The following HADHB variants were observed in gnomAD, a reference collection of about 807,000 sequenced individuals.
HADHB encodes the protein hydroxyacyl-CoA dehydrogenase trifunctional multienzyme complex subunit beta.
A neutral mutation model predicts 61.9 loss-of-function variants in HADHB; 50 were observed. That is an observed-to-expected ratio of 0.81 (90% CI 0.64 to 1.02). The LOEUF is 1.02. HADHB is among the 50% of genes least tolerant of loss of function. The pLI is 0.00. For synonymous variants in HADHB, 191 were observed against 201.6 expected (o/e 0.95, Z 0.45); for missense variants, 504 against 586.5 (o/e 0.86, Z 1.45).
chr2:26,247,280 C>T (rs927967107), intron 1 of HADHB, among the ~76,000 whole-genome samples: 3 of 152,146 alleles, frequency 2.0e-5, no homozygotes, highest in Non-Finnish European at 4.4e-5. Context: ...AATATTTTTA[C>T]CAAAATTTCT....
intron 5 of HADHB, among the ~76,000 whole-genome samples, chr2:26,271,527 C>CCA (rs986666342): frequency 4.0e-5 from 6 of 151,498 alleles, no homozygotes; most frequent in African/African-American, 1.2e-4. Context: ...AAATAAAAAA[C>CCA]CACACACACA....
intron 3 of HADHB, among the ~76,000 whole-genome samples, chr2:26,259,753 C>T (rs2147806437): frequency 6.6e-6 from 1 of 152,174 alleles, no homozygotes; most frequent in East Asian, 1.9e-4. Flanking sequence ...AGAGGTTGCC[C>T]AGAGGTTTAG....
chr2:26,281,676 A>G (rs967469007), intron 10 of HADHB, among the ~76,000 whole-genome samples: 1 of 152,202 alleles, frequency 6.6e-6, no homozygotes, highest in African/African-American at 2.4e-5. Flanking sequence ...CCCCACATTC[A>G]TTGCAATTTT....
chr2:26,245,501 C>A (rs1671109878), intron 1 of HADHB: 1 of 151,490 alleles, frequency 6.6e-6, no homozygotes, highest in Non-Finnish European at 1.5e-5. Context: ...CCATCCGGCT[C>A]CGTTATCCAG....
chr2:26,272,190 A>G (rs1672373127), intron 5 of HADHB, among the ~76,000 whole-genome samples: 1 of 152,146 alleles, frequency 6.6e-6, no homozygotes, highest in African/African-American at 2.4e-5. Context: ...CACTCCTTCA[A>G]GTTGGCTCCT....
chr2:26,263,368 T>C lies in HADHB; in HGVS notation c.110-12T>C. 2 of 1,540,564 alleles carry C rather than the reference T, an allele frequency of 1.3e-6. No individual in the cohort carries two copies. The highest frequency in any genetic ancestry group is 9.0e-7 in the Non-Finnish European group (1 of 1,113,804). On this transcript the variant is annotated splice_polypyrimidine_tract_variant and intron_variant, in intron 3 of 15. Coordinates refer to ENST00000317799, the MANE Select transcript of HADHB (RefSeq NM_000183.3). ...TAATTAGTAGTTTTTGTTTTTAAAC[T>C]TTATCTTAAAGCTGTCCAGACCAAA...
At chr2:26,280,650 C>T (rs914563840) in intron 10 of HADHB, among the ~76,000 whole-genome samples, 2 of 151,936 alleles carry the variant, frequency 1.3e-5, no homozygotes, top group Non-Finnish European at 1.5e-5. Flanking sequence ...GTCAGGAGTT[C>T]GAGACCAGCC....
rs555036195 is a variant in HADHB at position 26,268,782 on chromosome 2, A to G, written c.210-1171A>G. Among the ~76,000 whole-genome samples the G allele has an allele frequency of 1.3e-3, 192 of 152,326 alleles. 2 individuals are homozygous for G. Among genetic ancestry groups the G allele is most frequent in the African/African-American group, 4.4e-3 (184 of 41,576 alleles). Reference sequence around the variant, plus strand: ...TCAGATAGGTAGTAGCTTAGTGAATAGTATTGTGCCAATGTTCATTTCTTA... The same window carrying G: ...TCAGATAGGTAGTAGCTTAGTGAATGGTATTGTGCCAATGTTCATTTCTTA... On this transcript the variant is annotated intron_variant, in intron 4 of 15. Coordinates refer to ENST00000317799, the MANE Select transcript of HADHB (RefSeq NM_000183.3).
chr2:26,248,751 A>AAACAAC (rs547476928), intron 1 of HADHB, among the ~76,000 whole-genome samples: 2 of 152,094 alleles, frequency 1.3e-5, no homozygotes, highest in African/African-American at 4.8e-5. Flanking sequence ...TTGATTTAAA[A>AAACAAC]AACAACAACA....
In HADHB at chr2:26,273,643, A is replaced by C; in HGVS notation, c.255-8A>C. The stretch of plus-strand genomic sequence containing the variant: ...AAATGTTTCTTTGCTTTGGATTTCT[A>C]CTTCCAGGGGTTTGTTGCATCGGAC... On this transcript the variant is annotated splice_polypyrimidine_tract_variant and splice_region_variant and intron_variant, in intron 5 of 15. Coordinates refer to ENST00000317799, the MANE Select transcript of HADHB (RefSeq NM_000183.3). 6.7e-7 allele frequency: 1 copy of C among 1,501,588 alleles called. No homozygotes were observed. Among genetic ancestry groups the C allele is most frequent in the South Asian group, 1.1e-5 (1 of 88,748 alleles). 93.0% of individuals were successfully genotyped at this position (1,501,588 alleles called of 1,614,324 possible).
At chr2:26,288,054 C>T (rs563151748) in intron 15 of HADHB, among the ~76,000 whole-genome samples, 1 of 152,040 alleles carries the variant, frequency 6.6e-6, no homozygotes, top group African/African-American at 2.4e-5. Flanking sequence ...GTGGCTTGAA[C>T]GCAGGAATTC....
At chr2:26,287,104 T>C (rs1479144615) in intron 15 of HADHB, among the ~76,000 whole-genome samples, 2 of 151,970 alleles carry the variant, frequency 1.3e-5, no homozygotes, top group African/African-American at 2.4e-5. Flanking sequence ...CTCAGGAGGC[T>C]GAGGCAGGGG....
At chr2:26,246,324 C>T (rs1247648754) in intron 1 of HADHB, among the ~76,000 whole-genome samples, 6 of 150,116 alleles carry the variant, frequency 4.0e-5, no homozygotes, top group African/African-American at 1.5e-4. Context: ...TATATTGTTT[C>T]TTTTGTTTTG....
intron 5 of HADHB, among the ~76,000 whole-genome samples, chr2:26,270,606 T>C (rs1411435507): frequency 6.6e-6 from 1 of 152,194 alleles, no homozygotes; most frequent in Non-Finnish European, 1.5e-5. Flanking sequence ...GAAAGAGCAG[T>C]TGTTTCTGTT....
At chr2:26,262,108 A>C (rs1056964491) in intron 3 of HADHB, among the ~76,000 whole-genome samples, 1 of 152,174 alleles carries the variant, frequency 6.6e-6, no homozygotes, top group African/African-American at 2.4e-5. Flanking sequence ...TATCATGACT[A>C]TTAACTCTCA....
intron 3 of HADHB, among the ~76,000 whole-genome samples, chr2:26,258,182 T>G (rs1457098021): frequency 6.6e-6 from 1 of 152,168 alleles, no homozygotes; most frequent in African/African-American, 2.4e-5. Context: ...AATACTTTTA[T>G]GTACTGTTGC....
intron 12 of HADHB, among the ~76,000 whole-genome samples, chr2:26,283,845 C>T (rs945624232): frequency 6.6e-6 from 1 of 152,228 alleles, no homozygotes; most frequent in Admixed American, 6.5e-5. Flanking sequence ...GCTCTTTGAA[C>T]TCTGTTCTTC....
rs375329638 is a variant in HADHB at position 26,285,471 on chromosome 2, T to C, written c.1289T>C (p.Phe430Ser). 27 of 1,613,392 alleles carry C rather than the reference T, an allele frequency of 1.7e-5. No individual in the cohort carries two copies. Among genetic ancestry groups the C allele is most frequent in the African/African-American group, 5.3e-5 (4 of 74,800 alleles). Residue 430 changes from phenylalanine (F) to serine (S), a missense_variant, in exon 15 of 16, where the codon TTT (phenylalanine) becomes TCT (serine). Transcript: ENST00000317799. ...WGGSLSLGHP[F>S]GATGCRLVMA... ...GGATCTCTGTCCCTGGGACACCCAT[T>C]TGGAGCCACTGGCTGCAGGTTGGTC...
intron 3 of HADHB, among the ~76,000 whole-genome samples, chr2:26,256,961 T>C (rs1671637130): frequency 6.6e-6 from 1 of 152,220 alleles, no homozygotes; most frequent in Admixed American, 6.5e-5. Context: ...AGTTTTCTGC[T>C]GTGGCCTCAA....
Sources: allele counts gnomAD v4.1 joint callset (sites outside exome capture counted in the v4.1 genomes callset), GRCh38; gene constraint gnomAD v4.1.1; transcripts MANE v1.5; gene names NCBI Gene and HGNC (gene_info 2026-07-23, HGNC 2026-07-21).